HDAC9: variants seen among roughly 807,000 people sequenced by gnomAD.
The protein encoded by HDAC9 is histone deacetylase 9, also known as MEF-2 interacting transcription repressor (MITR) protein.
In HDAC9, 41 loss-of-function variants were observed where a neutral mutation model predicts 139.4. The ratio of observed to expected loss-of-function variants is 0.29; its 90% CI spans 0.23 to 0.38. The LOEUF (loss-of-function observed/expected upper bound fraction) is 0.38. Among genes scored for constraint, HDAC9 ranks in the 10% least tolerant of loss-of-function variants. HDAC9 has a pLI of 1.00. For missense variants in HDAC9, 1,147 were observed against 1,297.0 expected, an observed-to-expected ratio of 0.88 and a Z score of 1.78; for synonymous variants, 517 against 476.2, an observed-to-expected ratio of 1.09 and a Z score of -1.12.
intron 1 of HDAC9, among the ~76,000 whole-genome samples, chr7:18,482,482 G>A (rs1035822979): frequency 7.2e-6 from 1 of 138,406 alleles, no homozygotes; most frequent in African/African-American, 2.7e-5. Flanking sequence ...TGTGGATATT[G>A]TTTGTATTTT....
intron 21 of HDAC9, among the ~76,000 whole-genome samples, chr7:18,864,202 C>T (rs1798317378): frequency 6.6e-6 from 1 of 152,120 alleles, no homozygotes; most frequent in African/African-American, 2.4e-5. Flanking sequence ...TTCGGCCTTG[C>T]AAATGAAGGG....
chr7:18,788,159 C>T (rs1319970457), intron 16 of HDAC9, among the ~76,000 whole-genome samples: 1 of 152,116 alleles, frequency 6.6e-6, no homozygotes, highest in Non-Finnish European at 1.5e-5. Context: ...ACTTCTCTGC[C>T]AGCTGGAGCT....
intron 12 of HDAC9, among the ~76,000 whole-genome samples, chr7:18,683,419 T>A (rs1398603295): frequency 6.6e-6 from 1 of 152,026 alleles, no homozygotes; most frequent in African/African-American, 2.4e-5. Flanking sequence ...TACATCCAGT[T>A]CCATGTTCTT....
intron 16 of HDAC9, among the ~76,000 whole-genome samples, chr7:18,777,553 T>C (rs928012303): frequency 3.3e-5 from 5 of 152,012 alleles, no homozygotes; most frequent in African/African-American, 1.2e-4. Flanking sequence ...TGTATTTATA[T>C]AGTGCAAGAG....
intron 6 of HDAC9, among the ~76,000 whole-genome samples, chr7:18,629,122 T>G (rs1381306430): frequency 6.6e-6 from 1 of 152,130 alleles, no homozygotes; most frequent in Non-Finnish European, 1.5e-5. Context: ...TTTACTTTCA[T>G]ATTTAGAGAA....
chr7:18,203,324 T>C (rs1022507922), intron 2 of HDAC9, among the ~76,000 whole-genome samples: 1 of 152,230 alleles, frequency 6.6e-6, no homozygotes, highest in Admixed American at 6.5e-5. Flanking sequence ...GTATGTTGTC[T>C]TCATTACTGG....
intron 6 of HDAC9, among the ~76,000 whole-genome samples, chr7:18,628,469 T>C (rs1471760318): frequency 1.3e-5 from 2 of 152,198 alleles, no homozygotes; most frequent in Non-Finnish European, 2.9e-5. Flanking sequence ...AAATATCCTT[T>C]TCATGATGAT....
At chr7:18,903,089 A>C (rs1357026506) in intron 22 of HDAC9, among the ~76,000 whole-genome samples, 1 of 152,224 alleles carries the variant, frequency 6.6e-6, no homozygotes, top group Non-Finnish European at 1.5e-5. Context: ...ACAATTTTAC[A>C]TGTTCAGGCC....
At chr7:18,974,016 T>G (rs1784406241) in intron 24 of HDAC9, among the ~76,000 whole-genome samples, 1 of 152,182 alleles carries the variant, frequency 6.6e-6, no homozygotes, top group Non-Finnish European at 1.5e-5. Flanking sequence ...GAGTGTGTAT[T>G]AATTAGCCCT....
intron 2 of HDAC9, among the ~76,000 whole-genome samples, chr7:18,208,850 T>C (rs1438799218): frequency 2.0e-5 from 3 of 152,192 alleles, no homozygotes; most frequent in Non-Finnish European, 4.4e-5. Context: ...CATAATTATG[T>C]GGCTCATAAG....
At chr7:18,303,741 A>C (rs1000797572) in intron 1 of HDAC9, among the ~76,000 whole-genome samples, 2 of 152,162 alleles carry the variant, frequency 1.3e-5, no homozygotes, top group Non-Finnish European at 2.9e-5. Context: ...TCTTATGAAT[A>C]GAATGTGAGT....
intron 13 of HDAC9, among the ~76,000 whole-genome samples, chr7:18,745,587 C>T (rs1787874771): frequency 1.5e-5 from 2 of 137,162 alleles, no homozygotes; most frequent in South Asian, 2.3e-4. Flanking sequence ...TCGCCCAGGC[C>T]GGACTGCGGA....
intron 12 of HDAC9, among the ~76,000 whole-genome samples, chr7:18,690,726 G>A (rs912107192): frequency 2.6e-5 from 4 of 151,850 alleles, no homozygotes; most frequent in East Asian, 3.9e-4. Context: ...AAATCCTCTC[G>A]AAATTTGAAT....
At chr7:18,903,298 A>G (rs1219506272) in intron 22 of HDAC9, among the ~76,000 whole-genome samples, 2 of 152,246 alleles carry the variant, frequency 1.3e-5, no homozygotes, top group Non-Finnish European at 2.9e-5. Context: ...CATTTGTAAA[A>G]CATAGATGAC....
intron 1 of HDAC9, among the ~76,000 whole-genome samples, chr7:18,356,366 T>TTTTTG (rs1554388648): frequency 7.1e-6 from 1 of 141,702 alleles, no homozygotes; most frequent in Non-Finnish European, 1.5e-5. Context: ...AGGTTTTTTT[T>TTTTTG]TTTTTTTTTT....
chr7:18,759,207 T>A (rs1178176), intron 14 of HDAC9, among the ~76,000 whole-genome samples: 2 of 151,862 alleles, frequency 1.3e-5, no homozygotes, highest in South Asian at 2.1e-4. Context: ...AGCAGGTTTC[T>A]TCTTATCAGG....
chr7:18,592,973 A>G (rs1483859388), intron 5 of HDAC9, among the ~76,000 whole-genome samples: 1 of 152,120 alleles, frequency 6.6e-6, no homozygotes, highest in African/African-American at 2.4e-5. Flanking sequence ...TCTCTTAGGT[A>G]ATATTAAGCA....
intron 13 of HDAC9, among the ~76,000 whole-genome samples, chr7:18,744,175 A>G (rs1000722855): frequency 2.6e-5 from 4 of 152,058 alleles, no homozygotes; most frequent in African/African-American, 9.7e-5. Context: ...TATTTTTAGT[A>G]GAGACGGGGT....
intron 22 of HDAC9, among the ~76,000 whole-genome samples, chr7:18,888,825 T>A (rs532234481): frequency 7.9e-5 from 12 of 152,350 alleles, no homozygotes; most frequent in Middle Eastern, 3.4e-3. Context: ...CTTTGATTGC[T>A]GCATGCTTGT....
Sources: gnomAD v4.1 joint callset for allele counts (sites outside exome capture counted in the v4.1 genomes callset) on GRCh38, gnomAD v4.1.1 for gene constraint, MANE v1.5 for transcripts, NCBI Gene and HGNC (gene_info 2026-07-23, HGNC 2026-07-21) for gene names.